Variants in REEP6 observed in about 807,000 individuals in gnomAD.
The protein encoded by REEP6 is receptor accessory protein 6, also known as receptor expression-enhancing protein 6.
A neutral mutation model predicts 22.4 loss-of-function variants in REEP6; 19 were observed. The ratio of observed to expected loss-of-function variants is 0.85; its 90% CI spans 0.59 to 1.25. REEP6 has a LOEUF of 1.25. REEP6 is among the 50% of genes most tolerant of loss of function. The probability of loss-of-function intolerance (pLI) is 0.00; values close to 1 mark genes in which losing one functional copy is unlikely to be tolerated. For missense variants in REEP6, 273 were observed against 251.9 expected, an observed-to-expected ratio of 1.08 and a Z score of -0.57; for synonymous variants, 121 against 113.6, an observed-to-expected ratio of 1.06 and a Z score of -0.41.
At chr19:1,496,521 T>C in intron 4 of REEP6, 68 bp downstream of exon 4, 1 of 1,559,086 alleles carries the variant, frequency 6.4e-7, no homozygotes, top group Non-Finnish European at 8.7e-7. Flanking sequence ...CTCTCCACCT[T>C]GCCTCCCTTT....
chr19:1,495,935 G>A, intron 3 of REEP6: 1 of 539,324 alleles, frequency 1.9e-6, no homozygotes, highest in Non-Finnish European at 3.3e-6. Flanking sequence ...GATGTCTGAT[G>A]GTGGAGGGCT....
At chr19:1,494,994 C>T (rs1354367990) in intron 1 of REEP6, among the ~76,000 whole-genome samples, 2 of 152,196 alleles carry the variant, frequency 1.3e-5, no homozygotes, top group African/African-American at 4.8e-5. Context: ...GCAAACACTT[C>T]ACTGGGCAGC....
rs113278021 is a variant in REEP6, at chr19:1,497,306, A to G, written c.*95A>G. On this transcript the variant is annotated 3_prime_UTR_variant, in exon 5 of 5. Coordinates refer to ENST00000233596, the MANE Select transcript of REEP6 (RefSeq NM_138393.4). The surrounding 1 kb of genome is among the most constrained non-coding windows in gnomAD (Gnocchi z 6.5). ...CCACAGAGTCTTCAGCGCATCCCCCAACAGCAGCCCCTGCCAGTCCCTCGG... is the reference window on the plus strand; with the variant it reads ...CCACAGAGTCTTCAGCGCATCCCCCGACAGCAGCCCCTGCCAGTCCCTCGG... 8,025 of 1,149,110 alleles carry G rather than the reference A, an allele frequency of 7.0e-3. 422 individuals carry two copies. In the African/African-American group the frequency reaches 0.11, roughly 16 times the overall value. 71.2% of individuals were successfully genotyped at this position (1,149,110 alleles called of 1,614,324 possible).
chr19:1,495,832 C>T (rs60121236), intron 3 of REEP6: 212,824 of 603,444 alleles, frequency 0.35, 39,436 homozygotes, highest in African/African-American at 0.48. Context: ...ATAGGATGTC[C>T]GATGGTGGAG....
chr19:1,494,527 T>A (rs1008180071), intron 1 of REEP6, among the ~76,000 whole-genome samples: 2 of 152,128 alleles, frequency 1.3e-5, no homozygotes, highest in Non-Finnish European at 2.9e-5. Flanking sequence ...AGAGAAACCC[T>A]GCGCTAAGAT....
In REEP6 at chr19:1,496,941, C is replaced by T. The variant is rs189437993; in HGVS notation, c.518-233C>T. ...GTGTGTGCGTGTGACCATGTGTGCACGTGTGAGTGCGTGCGTGTGCATGAC... is the reference window on the plus strand; with the variant it reads ...GTGTGTGCGTGTGACCATGTGTGCATGTGTGAGTGCGTGCGTGTGCATGAC... On this transcript the variant is annotated intron_variant, in intron 4 of 4. Transcript: ENST00000233596. 4.3e-4 allele frequency among the ~76,000 whole-genome samples: 65 copies of T among 152,158 alleles called. No individual in the cohort carries two copies. In the East Asian group the frequency reaches 0.01, roughly 24 times the overall value.
intron 1 of REEP6, among the ~76,000 whole-genome samples, chr19:1,493,708 G>GACACACACACGCACACACACACAC (rs1555690913): frequency 7.1e-6 from 1 of 140,666 alleles, no homozygotes; most frequent in Admixed American, 7.1e-5. Context: ...GGCTGAGCTG[G>GACACACACACGCACACACACACAC]ACACACACAC....
In REEP6 at chr19:1,491,627, G is replaced by C. The variant is rs915508419; in HGVS notation, c.115+243G>C. Among the ~76,000 whole-genome samples, 18 of 152,246 alleles carry C rather than the reference G, an allele frequency of 1.2e-4. No individual in the cohort carries two copies. The highest frequency in any genetic ancestry group is 4.3e-4 in the African/African-American group (18 of 41,464). On this transcript the variant is annotated intron_variant, in intron 1 of 4. Coordinates refer to ENST00000233596, the MANE Select transcript of REEP6 (RefSeq NM_138393.4). The surrounding 1 kb of genome is among the most constrained non-coding windows in gnomAD (Gnocchi z 5.4). ...CCCCCGACGCCTCCTTCCGGGCGCT[G>C]GGTGCCTGCCATGCCGAAGTCCGGT...
At chr19:1,494,109 G>A (rs575173605) in intron 1 of REEP6, among the ~76,000 whole-genome samples, 6 of 152,192 alleles carry the variant, frequency 3.9e-5, no homozygotes, top group Admixed American at 6.5e-5. Flanking sequence ...GCAGAAAGGC[G>A]TTCTCTCTGT....
chr19:1,494,222 G>A (rs1485356459), intron 1 of REEP6, among the ~76,000 whole-genome samples: 1 of 152,198 alleles, frequency 6.6e-6, no homozygotes, highest in Non-Finnish European at 1.5e-5. Flanking sequence ...CGGCTGGTGA[G>A]TGCACACCCG....
intron 3 of REEP6, 175 bp from the exon 4 acceptor site, chr19:1,496,110 C>G (rs188877389): frequency 2.7e-6 from 2 of 747,618 alleles, no homozygotes; most frequent in African/African-American, 3.5e-5. Context: ...ATGGCGAAAA[C>G]CCAGGCCCAT....
At chr19:1,495,422 C>T (rs2084997827) in intron 2 of REEP6, 35 bp downstream of exon 2, 1 of 1,613,780 alleles carries the variant, frequency 6.2e-7, no homozygotes, top group Non-Finnish European at 8.5e-7. Flanking sequence ...GCGGGGGGTT[C>T]TGGGGGCTCC....
Position 1,497,263 on chromosome 19 carries a change from C to A in REEP6, c.*52C>A. Reference sequence around the variant, plus strand: ...CTCCTGGCTGGTGAGGAGGGGGCCGCGCCAGGCTCCCAGGCCTCCACAGAG... The same window carrying A: ...CTCCTGGCTGGTGAGGAGGGGGCCGAGCCAGGCTCCCAGGCCTCCACAGAG... On this transcript the variant is annotated 3_prime_UTR_variant, in exon 5 of 5. Transcript: ENST00000233596. This position sits in a 1 kb window ranked among gnomAD's most constrained non-coding sequence, Gnocchi z 6.5. 1 of 1,489,152 alleles carries A rather than the reference C, an allele frequency of 6.7e-7. No individual in the cohort carries two copies. Among genetic ancestry groups the A allele is most frequent in the East Asian group, 2.4e-5 (1 of 41,206 alleles). The allele number at this position is 1,489,152 out of a possible 1,614,324, so 92.2% of individuals were successfully genotyped here.
At position 1,495,557 on chromosome 19, in the gene REEP6, T is replaced by C. The variant is rs1242707098; in HGVS notation, c.298T>C (p.Phe100Leu). ...GTACGCCCTGTTTGGGCTGGCCGAGTTCTTCAGCGATCTACTCCTGTCCTG... is the reference window on the plus strand; with the variant it reads ...GTACGCCCTGTTTGGGCTGGCCGAGCTCTTCAGCGATCTACTCCTGTCCTG... ...VVYALFGLAEFFSDLLLSWFP... is the reference protein window; with the variant it reads ...VVYALFGLAELFSDLLLSWFP... Residue 100 changes from phenylalanine (F) to leucine (L), a missense_variant, in exon 3 of 5, where the codon TTC becomes CTC. Physicochemically the swap from Phe to Leu is conservative, Grantham distance 22. Coordinates refer to ENST00000233596, the MANE Select transcript of REEP6 (RefSeq NM_138393.4). 2 of 1,614,054 alleles carry C rather than the reference T, an allele frequency of 1.2e-6. No individual in the cohort carries two copies. Among genetic ancestry groups the C allele is most frequent in the Middle Eastern group, 1.7e-4 (1 of 6,060 alleles).
At chr19:1,496,674 A>C in intron 4 of REEP6, 1 of 715,404 alleles carries the variant, frequency 1.4e-6, no homozygotes, top group Non-Finnish European at 2.6e-6. Flanking sequence ...AGCTGACCGT[A>C]CGTAACCGCT....
At position 1,496,430 on chromosome 19, in the gene REEP6, C is replaced by CTT; in HGVS notation, c.494_495insTT (p.Ala166TrpfsTer5). The CTT allele has an allele frequency of 6.2e-7, 1 of 1,612,640 alleles. No individual in the cohort carries two copies. The highest frequency in any genetic ancestry group is 8.5e-7 in the Non-Finnish European group (1 of 1,179,576). On this transcript the variant is annotated frameshift_variant, in exon 4 of 5. Coordinates refer to ENST00000233596, the MANE Select transcript of REEP6 (RefSeq NM_138393.4). LOFTEE classifies it low-confidence loss of function (END_TRUNC). ...GACCTCAGCGGGCGAGCCCTGGACG[C>CTT]GGCGGCCGGAATAACCAGGAACGGT...
chr19:1,491,507 A>T lies in REEP6; in HGVS notation c.115+123A>T. Reference sequence around the variant, plus strand: ...TCCGGCCGGTGGAGCGCGCGAGGTGACTGGGACCTCGAGGTCCGCCCGCAG... The same window carrying T: ...TCCGGCCGGTGGAGCGCGCGAGGTGTCTGGGACCTCGAGGTCCGCCCGCAG... On this transcript the variant is annotated intron_variant, in intron 1 of 4. Coordinates refer to ENST00000233596, the MANE Select transcript of REEP6 (RefSeq NM_138393.4). The surrounding 1 kb of genome is among the most constrained non-coding windows in gnomAD (Gnocchi z 5.4). The T allele has an allele frequency of 1.7e-6, 1 of 595,204 alleles. No homozygotes were observed. Among genetic ancestry groups the T allele is most frequent in the Non-Finnish European group, 2.6e-6 (1 of 387,248 alleles). 36.9% of individuals were successfully genotyped at this position (595,204 alleles called of 1,614,324 possible).
Position 1,495,459 on chromosome 19 carries a change from C to T in REEP6, c.210-10C>T. ...TGGCAGCCCCTGACCCTGCTGCACC[C>T]TCCCTGCAGAATCAAAGCTATCGAG... On this transcript the variant is annotated splice_polypyrimidine_tract_variant and intron_variant, in intron 2 of 4. Coordinates refer to ENST00000233596, the MANE Select transcript of REEP6 (RefSeq NM_138393.4). The T allele has an allele frequency of 6.2e-7, 1 of 1,613,910 alleles. No individual in the cohort carries two copies. Among genetic ancestry groups the T allele is most frequent in the Non-Finnish European group, 8.5e-7 (1 of 1,179,994 alleles).
chr19:1,491,832 T>TCTCCTTTCCTC lies in REEP6; in HGVS notation c.115+454_115+464dup, dbSNP rs2084950642. Among the ~76,000 whole-genome samples the TCTCCTTTCCTC allele has an allele frequency of 6.6e-6, 1 of 152,124 alleles. No homozygotes were observed. Among genetic ancestry groups the TCTCCTTTCCTC allele is most frequent in the African/African-American group, 2.4e-5 (1 of 41,418 alleles). On this transcript the variant is annotated intron_variant, in intron 1 of 4. Coordinates refer to ENST00000233596, the MANE Select transcript of REEP6 (RefSeq NM_138393.4). The surrounding 1 kb of genome is among the most constrained non-coding windows in gnomAD (Gnocchi z 5.4). ...GTCCTGGGGGCCTGCCCAGGACCCT[T>TCTCCTTTCCTC]CTCCTTTCCTCCTCCTCTCCTGCCC...
Sources: allele counts gnomAD v4.1 joint callset (sites outside exome capture counted in the v4.1 genomes callset), GRCh38; gene constraint gnomAD v4.1.1; non-coding constraint Gnocchi (gnomAD v3.1); transcripts MANE v1.5; gene names NCBI Gene and HGNC (gene_info 2026-07-23, HGNC 2026-07-21).